SLC26A7: variants seen among roughly 807,000 people sequenced by gnomAD.
SLC26A7 encodes solute carrier family 26 member 7.
Under a neutral mutation model 82.5 loss-of-function variants are expected in SLC26A7, and 59 were observed. The ratio of observed to expected loss-of-function variants is 0.72; its 90% CI spans 0.58 to 0.89. The LOEUF is 0.89. Among genes scored for constraint, SLC26A7 ranks in the 40% least tolerant of loss-of-function variants. SLC26A7 has a pLI of 0.00. For missense variants in SLC26A7, 820 were observed against 793.0 expected (o/e 1.03, Z -0.41); for synonymous variants, 271 against 274.3 (o/e 0.99, Z 0.12).
At chr8:91,247,254 C>T (rs1201275748), upstream of SLC26A7, among the ~76,000 whole-genome samples, 2 of 151,830 alleles carry the variant, frequency 1.3e-5, no homozygotes, top group Non-Finnish European at 2.9e-5. Flanking sequence ...AGGTATTATC[C>T]CAGATGTTTA....
chr8:91,343,411 G>C lies in SLC26A7; in HGVS notation c.1085G>C (p.Ser362Thr). The change falls in exon 9 of 19, where the codon AGT becomes ACT. Residue 362 changes from serine to threonine, a missense_variant. Physicochemically the swap from Ser to Thr is moderately conservative, Grantham distance 58. Transcript: ENST00000276609. ...TCTTCATTTTTCTTCTGCATACCAA[G>C]TGCTGCTGCCATGGGAAGGACGGCT... is the stretch of plus-strand genomic sequence containing the variant. ...IVSSFFFCIP[S>T]AAAMGRTAGL... 3 of 1,613,104 alleles carry C rather than the reference G, an allele frequency of 1.9e-6. No homozygotes were observed. The highest frequency in any genetic ancestry group is 2.5e-6 in the Non-Finnish European group (3 of 1,179,866).
chr8:91,275,511 G>T (rs964856921), intron 2 of SLC26A7, among the ~76,000 whole-genome samples: 1 of 151,928 alleles, frequency 6.6e-6, no homozygotes, highest in Non-Finnish European at 1.5e-5. Context: ...TATTTCTCAG[G>T]CTGGTCTTGA....
At chr8:91,351,379 C>T (rs182033230) in intron 9 of SLC26A7, among the ~76,000 whole-genome samples, 4 of 152,218 alleles carry the variant, frequency 2.6e-5, no homozygotes, top group Admixed American at 2.6e-4. Context: ...TGGAAATTAT[C>T]AGCACAGAAA....
chr8:91,240,269 T>C (rs187116816), intron 2 of SLC26A7, among the ~76,000 whole-genome samples: 25 of 152,334 alleles, frequency 1.6e-4, no homozygotes, highest in Admixed American at 1.6e-3. Context: ...TTCTAGTATA[T>C]GTATTTTACT....
rs1586375785 is a variant in SLC26A7, at chr8:91,295,666, T to A, written c.440T>A (p.Val147Asp). The A allele has an allele frequency of 6.2e-7, 1 of 1,614,026 alleles. No homozygotes were observed. The highest frequency in any genetic ancestry group is 2.2e-5 in the East Asian group (1 of 44,876). ...GACTTTGAAATGCAAAGGATCCACGTTGCTGCAGCAGTTTCCTTCTTGGGA... is the reference window on the plus strand; with the variant it reads ...GACTTTGAAATGCAAAGGATCCACGATGCTGCAGCAGTTTCCTTCTTGGGA... ...LSDFEMQRIH[V>D]AAAVSFLGGV... The change falls in exon 4 of 19, where the codon GTT (valine) becomes GAT (aspartate). Residue 147 changes from valine to aspartate, a missense_variant. Physicochemically the swap from Val to Asp is radical, Grantham distance 152 (BLOSUM62 -3). Coordinates refer to ENST00000276609, the MANE Select transcript of SLC26A7 (RefSeq NM_052832.4).
intron 2 of SLC26A7, among the ~76,000 whole-genome samples, chr8:91,225,679 A>AT (rs142416554): frequency 0.17 from 6,305 of 37,510 alleles, 275 homozygotes; most frequent in Middle Eastern, 0.33. Context: ...TTTTTTTACC[A>AT]TTTTAACCCC....
chr8:91,246,063 C>A (rs993627452), upstream of SLC26A7, among the ~76,000 whole-genome samples: 6 of 152,158 alleles, frequency 3.9e-5, no homozygotes, highest in African/African-American at 1.4e-4. Flanking sequence ...AGAAGCTGAG[C>A]AAACAAAGAT....
chr8:91,266,134 T>C (rs1262709452), intron 2 of SLC26A7, among the ~76,000 whole-genome samples: 2 of 151,898 alleles, frequency 1.3e-5, no homozygotes, highest in East Asian at 1.9e-4. Context: ...TTTTGGTTAG[T>C]ATGGCTCTGT....
intron 15 of SLC26A7, among the ~76,000 whole-genome samples, chr8:91,375,612 A>G (rs1586468628): frequency 6.8e-6 from 1 of 147,342 alleles, no homozygotes; most frequent in Non-Finnish European, 1.5e-5. Flanking sequence ...GTGTAATGGG[A>G]TTTCCTTTAT....
intron 3 of SLC26A7, among the ~76,000 whole-genome samples, chr8:91,291,692 A>C (rs1425206793): frequency 6.6e-6 from 1 of 152,244 alleles, no homozygotes; most frequent in African/African-American, 2.4e-5. Context: ...CATTTTACAG[A>C]TATTTAACTG....
At chr8:91,214,565 T>C (rs1810003872) in intron 1 of SLC26A7, among the ~76,000 whole-genome samples, 1 of 152,164 alleles carries the variant, frequency 6.6e-6, no homozygotes, top group African/African-American at 2.4e-5. Context: ...ATCTTGTCTC[T>C]ACCTTGAAAT....
At position 91,320,315 on chromosome 8, in the gene SLC26A7, G is replaced by A. The variant is rs150741458; in HGVS notation, c.642+1935G>A. On this transcript the variant is annotated intron_variant, in intron 5 of 18. Coordinates refer to ENST00000276609, the MANE Select transcript of SLC26A7 (RefSeq NM_052832.4). ...AAAACTTTACGGTGAAACGGAATCA[G>A]ATTTGGGAATGTTTTTGGACTGCTG... 1.5e-3 allele frequency among the ~76,000 whole-genome samples: 228 copies of A among 152,252 alleles called. 2 individuals are homozygous for A. The highest frequency in any genetic ancestry group is 5.4e-3 in the African/African-American group (226 of 41,558).
intron 11 of SLC26A7, among the ~76,000 whole-genome samples, chr8:91,354,461 T>C (rs1361713442): frequency 6.6e-6 from 1 of 152,110 alleles, no homozygotes; most frequent in Non-Finnish European, 1.5e-5. Flanking sequence ...GTGGAAAAGT[T>C]AAGAATGGGT....
intron 1 of SLC26A7, among the ~76,000 whole-genome samples, chr8:91,214,385 T>C (rs978563924): frequency 2.6e-5 from 4 of 152,174 alleles, no homozygotes; most frequent in Non-Finnish European, 5.9e-5. Flanking sequence ...AAAAGAAATA[T>C]ACTTCTTCAG....
At chr8:91,369,148 A>G (rs1814282774) in intron 14 of SLC26A7, among the ~76,000 whole-genome samples, 1 of 152,124 alleles carries the variant, frequency 6.6e-6, no homozygotes, top group Non-Finnish European at 1.5e-5. Context: ...CTAATCTTTG[A>G]CTCTTTCATA....
At chr8:91,375,024 T>C (rs1814471110) in intron 15 of SLC26A7, among the ~76,000 whole-genome samples, 1 of 152,110 alleles carries the variant, frequency 6.6e-6, no homozygotes, top group African/African-American at 2.4e-5. Context: ...ATTGTTGGTT[T>C]AAAGTCTGTT....
At chr8:91,296,936 A>C (rs1247037142) in intron 4 of SLC26A7, among the ~76,000 whole-genome samples, 1 of 152,192 alleles carries the variant, frequency 6.6e-6, no homozygotes. Context: ...TCTGTCATCT[A>C]TCCCCATCTC....
At chr8:91,292,856 G>T (rs951823370) in intron 3 of SLC26A7, among the ~76,000 whole-genome samples, 1 of 152,088 alleles carries the variant, frequency 6.6e-6, no homozygotes, top group Non-Finnish European at 1.5e-5. Flanking sequence ...CAGCATTGTT[G>T]TAGGAACCAA....
intron 2 of SLC26A7, among the ~76,000 whole-genome samples, chr8:91,282,966 T>C (rs72666081): frequency 2.0e-4 from 31 of 152,286 alleles, no homozygotes; most frequent in Non-Finnish European, 3.2e-4. Flanking sequence ...CATTTCTCCT[T>C]TTTGTAAGAC....
Sources: gnomAD v4.1 joint callset for allele counts (sites outside exome capture counted in the v4.1 genomes callset) on GRCh38, gnomAD v4.1.1 for gene constraint, MANE v1.5 for transcripts, NCBI Gene and HGNC (gene_info 2026-07-23, HGNC 2026-07-21) for gene names.